Variants in FHOD3 observed in about 807,000 individuals in gnomAD.
FHOD3 encodes FH1/FH2 domain-containing protein 3.
Under a neutral mutation model 173.0 loss-of-function variants are expected in FHOD3, and 90 were observed. That is an observed-to-expected ratio of 0.52 (90% CI 0.44 to 0.62). The LOEUF is 0.62. Ranked by LOEUF, FHOD3 falls within the 20% of genes least tolerant of loss-of-function variation. FHOD3 has a pLI of 0.00. For synonymous variants in FHOD3, 828 were observed against 823.0 expected (o/e 1.01, Z -0.10); for missense variants, 1,945 against 2,034.7 (o/e 0.96, Z 0.85).
chr18:36,776,870 C>A (rs1359845234), intron 28 of FHOD3, among the ~76,000 whole-genome samples: 1 of 152,140 alleles, frequency 6.6e-6, no homozygotes, highest in East Asian at 1.9e-4. Flanking sequence ...GTTCTCTGAG[C>A]CTGTCCCAGA....
At chr18:36,672,103 A>AG (rs1427229086) in intron 14 of FHOD3, among the ~76,000 whole-genome samples, 2 of 152,196 alleles carry the variant, frequency 1.3e-5, no homozygotes, top group African/African-American at 4.8e-5. Flanking sequence ...GGGACATTTT[A>AG]GGGGACAGTG....
At chr18:36,686,638 TA>T (rs10599463) in intron 15 of FHOD3, among the ~76,000 whole-genome samples, 75,038 of 147,254 alleles carry the variant, frequency 0.51, 19,009 homozygotes, top group South Asian at 0.56. Context: ...ATCCTGGAAA[TA>T]AAAAAAAAAA....
At chr18:36,430,725 T>C (rs914935298) in intron 3 of FHOD3, among the ~76,000 whole-genome samples, 6 of 152,160 alleles carry the variant, frequency 3.9e-5, no homozygotes, top group African/African-American at 1.2e-4. Context: ...CAGCCTCATA[T>C]TGGGGATAAT....
chr18:36,302,775 C>A (rs680423), intron 1 of FHOD3, among the ~76,000 whole-genome samples: 136,405 of 152,316 alleles, frequency 0.9, 61,218 homozygotes, highest in East Asian at 1. Flanking sequence ...GTAAACTTGG[C>A]AAGTGTGTTG....
rs376964118 is a variant in FHOD3, at chr18:36,730,726, G to A, written c.3498G>A (p.Thr1166=). 7.9e-5 allele frequency: 128 copies of A among 1,614,000 alleles called. No homozygotes were observed. Among genetic ancestry groups the A allele is most frequent in the Non-Finnish European group, 9.5e-5 (112 of 1,180,008 alleles). Residue 1166 remains threonine (T), a synonymous_variant, in exon 20 of 29, where the codon ACG becomes ACA. Transcript: ENST00000590592. ...KRSNAINIGL[T]VLPPPRTIKI... ...GTAACGCCATCAATATTGGTCTGAC[G>A]GTGCTGCCCCCTCCAAGGACGATTA...
chr18:36,585,344 A>G (rs554042010), intron 6 of FHOD3, among the ~76,000 whole-genome samples: 1 of 152,320 alleles, frequency 6.6e-6, no homozygotes, highest in East Asian at 1.9e-4. Context: ...CTTCTTCATT[A>G]GGGCTGTTGC....
intron 5 of FHOD3, among the ~76,000 whole-genome samples, chr18:36,527,259 CA>C (rs2056565253): frequency 6.6e-6 from 1 of 152,208 alleles, no homozygotes; most frequent in South Asian, 2.1e-4. Flanking sequence ...AGCACATCAT[CA>C]TCTGAATCAT....
chr18:36,580,083 C>A (rs1267470049), intron 6 of FHOD3, among the ~76,000 whole-genome samples: 1 of 152,154 alleles, frequency 6.6e-6, no homozygotes, highest in African/African-American at 2.4e-5. Flanking sequence ...ACAGGAAAAT[C>A]TTTATTGCAT....
intron 1 of FHOD3, among the ~76,000 whole-genome samples, chr18:36,299,504 CAT>C (rs1299942875): frequency 7.9e-5 from 12 of 152,338 alleles, no homozygotes; most frequent in African/African-American, 2.2e-4. Flanking sequence ...ACCAAAGGCT[CAT>C]AATTGTGGCC....
intron 8 of FHOD3, among the ~76,000 whole-genome samples, chr18:36,603,976 C>G (rs12104044): frequency 6.6e-6 from 1 of 152,040 alleles, no homozygotes; most frequent in Non-Finnish European, 1.5e-5. Flanking sequence ...ACTTGTCTCA[C>G]GTGATGGTGA....
chr18:36,704,189 C>G (rs1568635516), intron 17 of FHOD3, among the ~76,000 whole-genome samples: 2 of 152,226 alleles, frequency 1.3e-5, no homozygotes, highest in Admixed American at 6.5e-5. Context: ...CCCCAACCTT[C>G]AAATCTAGCT....
chr18:36,701,954 ACT>A (rs1345459794), intron 17 of FHOD3, among the ~76,000 whole-genome samples: 1 of 152,194 alleles, frequency 6.6e-6, no homozygotes, highest in Non-Finnish European at 1.5e-5. Context: ...GGAAAATCAA[ACT>A]CTGAAACTTG....
chr18:36,510,465 G>A (rs1011739043), intron 4 of FHOD3, among the ~76,000 whole-genome samples: 22 of 152,080 alleles, frequency 1.4e-4, no homozygotes, highest in African/African-American at 5.3e-4. Flanking sequence ...ACACTGTCTC[G>A]CCTGTCCAGT....
At chr18:36,647,000 G>T (rs951811239) in intron 10 of FHOD3, among the ~76,000 whole-genome samples, 10 of 152,194 alleles carry the variant, frequency 6.6e-5, no homozygotes, top group Non-Finnish European at 1.3e-4. Flanking sequence ...ACTTTGGGAG[G>T]CCAAGGCGGG....
intron 5 of FHOD3, among the ~76,000 whole-genome samples, chr18:36,547,775 C>T (rs113290574): frequency 8.5e-5 from 13 of 152,314 alleles, no homozygotes; most frequent in Non-Finnish European, 1.3e-4. Context: ...CCACCTTGTC[C>T]GCTGCCACTG....
At chr18:36,437,497 G>C (rs1293599724) in intron 3 of FHOD3, among the ~76,000 whole-genome samples, 2 of 151,966 alleles carry the variant, frequency 1.3e-5, no homozygotes, top group African/African-American at 4.8e-5. Flanking sequence ...TGTGTATTGA[G>C]TCTAATGTTA....
chr18:36,454,656 G>A (rs1312286709), intron 3 of FHOD3, among the ~76,000 whole-genome samples: 2 of 145,656 alleles, frequency 1.4e-5, no homozygotes, highest in African/African-American at 2.8e-5. Flanking sequence ...AATTCTGTCC[G>A]TTCCATTTTT....
intron 10 of FHOD3, among the ~76,000 whole-genome samples, chr18:36,647,908 A>G (rs959059316): frequency 6.6e-6 from 1 of 152,200 alleles, no homozygotes; most frequent in African/African-American, 2.4e-5. Flanking sequence ...ATTGGAAAGG[A>G]GCATTAAGGG....
intron 3 of FHOD3, among the ~76,000 whole-genome samples, chr18:36,482,858 C>CAGAGAGAGAGAG (rs138052316): frequency 1.5e-5 from 2 of 130,372 alleles, no homozygotes; most frequent in African/African-American, 6.2e-5. Context: ...CACACACACA[C>CAGAGAGAGAGAG]AGAGAGAGAG....
Sources: allele counts gnomAD v4.1 joint callset (sites outside exome capture counted in the v4.1 genomes callset), GRCh38; gene constraint gnomAD v4.1.1; transcripts MANE v1.5; gene names NCBI Gene and HGNC (gene_info 2026-07-23, HGNC 2026-07-21).